MINAR2: variants seen among roughly 807,000 people sequenced by gnomAD.
MINAR2 encodes the protein major intrinsically disordered NOTCH2-binding receptor 1-like.
MINAR2 carries 21 observed loss-of-function variants against 16.1 expected under a neutral mutation model. The ratio of observed to expected loss-of-function variants is 1.31; its 90% confidence interval spans 0.93 to 1.88. The LOEUF (loss-of-function observed/expected upper bound fraction) is 1.88, where lower values mean the gene tolerates loss of function less well. Among genes scored for constraint, MINAR2 ranks in the 40% most tolerant of loss-of-function variants. The pLI, the probability that MINAR2 is intolerant of heterozygous loss-of-function variation, is 0.00. For missense variants in MINAR2, 259 were observed against 229.8 expected, an observed-to-expected ratio of 1.13 and a Z score of -0.82; for synonymous variants, 86 against 83.0, an observed-to-expected ratio of 1.04 and a Z score of -0.20.
Position 129,765,540 on chromosome 5 carries a change from T to C in MINAR2, c.*477T>C, listed in dbSNP as rs900769942. ...TGCTGGGTAGCTAGGATAAAAATCT[T>C]CCAGTTGTGCTGCCAACTGAGTTAG... On this transcript the variant is annotated 3_prime_UTR_variant, in exon 3 of 3. Coordinates refer to ENST00000564719, the MANE Select transcript of MINAR2 (RefSeq NM_001257308.2). 6.6e-6 allele frequency: 1 copy of C among 152,598 alleles called. No individual in the cohort carries two copies. Among genetic ancestry groups the C allele is most frequent in the African/African-American group, 2.4e-5 (1 of 41,484 alleles). 9.5% of individuals were successfully genotyped at this position (152,598 alleles called of 1,614,324 possible).
intron 1 of MINAR2, among the ~76,000 whole-genome samples, chr5:129,757,109 C>T (rs1758065607): frequency 6.7e-6 from 1 of 149,508 alleles, no homozygotes; most frequent in African/African-American, 2.5e-5. Flanking sequence ...TAATCATCTT[C>T]TGCTATATAG....
chr5:129,764,593 A>G (rs1214146654), intron 2 of MINAR2, among the ~76,000 whole-genome samples: 2 of 152,226 alleles, frequency 1.3e-5, no homozygotes, highest in Non-Finnish European at 2.9e-5. Flanking sequence ...TGACCCTCTG[A>G]TGTGAGCAAT....
intron 1 of MINAR2, among the ~76,000 whole-genome samples, chr5:129,758,766 A>G (rs1256135765): frequency 1.3e-5 from 2 of 152,050 alleles, no homozygotes; most frequent in African/African-American, 4.8e-5. Context: ...TTAAGTAAAA[A>G]TTATGCTAAG....
At position 129,766,612 on chromosome 5, in the gene MINAR2, G is replaced by A. The variant is rs571086476; in HGVS notation, c.*1549G>A. 196 of 139,056 alleles carry A rather than the reference G, an allele frequency of 1.4e-3. 1 individual carries two copies. Among genetic ancestry groups the A allele is most frequent in the African/African-American group, 4.7e-3 (171 of 36,038 alleles). 8.6% of individuals were successfully genotyped at this position (139,056 alleles called of 1,614,324 possible). ...AGATTGTGCCACTGCACTCTAGCCT[G>A]GGTGACAGAGTGAGACTTCCATAAA... On this transcript the variant is annotated 3_prime_UTR_variant, in exon 3 of 3. Transcript: ENST00000564719.
chr5:129,748,651 T>G (rs570526503), intron 1 of MINAR2, among the ~76,000 whole-genome samples: 1 of 152,156 alleles, frequency 6.6e-6, no homozygotes, highest in South Asian at 2.1e-4. Context: ...ATTTTCAAAC[T>G]AATTGTTATA....
intron 2 of MINAR2, 53 bp downstream of exon 2, chr5:129,760,658 TA>T (rs1341346074): frequency 3.0e-6 from 4 of 1,336,992 alleles, no homozygotes; most frequent in Non-Finnish European, 4.1e-6. Flanking sequence ...ATCAGTCAAA[TA>T]ATCCTAAAAG....
chr5:129,755,524 A>AG (rs1758044056), intron 1 of MINAR2, among the ~76,000 whole-genome samples: 1 of 62,958 alleles, frequency 1.6e-5, no homozygotes, highest in African/African-American at 6.1e-5. Flanking sequence ...CAGGTTTGTT[A>AG]ATTTTTTTTT....
At chr5:129,764,658 T>TG (rs1420611112) in intron 2 of MINAR2, among the ~76,000 whole-genome samples, 1 of 152,104 alleles carries the variant, frequency 6.6e-6, no homozygotes, top group Non-Finnish European at 1.5e-5. Context: ...ACCTACAAAT[T>TG]GGAATTGCAG....
chr5:129,748,376 A>C (rs1581286307), intron 1 of MINAR2, 21 bp downstream of exon 1: 10 of 1,529,362 alleles, frequency 6.5e-6, no homozygotes, highest in Non-Finnish European at 8.7e-6. Context: ...GGGGCACAAA[A>C]ATACGGGGAT....
chr5:129,749,765 T>C (rs1757963846), intron 1 of MINAR2, among the ~76,000 whole-genome samples: 1 of 152,196 alleles, frequency 6.6e-6, no homozygotes, highest in East Asian at 1.9e-4. Context: ...ATCTTTTGTT[T>C]GGTACTGAAG....
chr5:129,751,860 A>G (rs567855039), intron 1 of MINAR2, among the ~76,000 whole-genome samples: 3 of 152,318 alleles, frequency 2.0e-5, no homozygotes, highest in South Asian at 4.1e-4. Context: ...TTTTTTAAAC[A>G]AATGTGATAA....
Position 129,765,944 on chromosome 5 carries a change from C to A in MINAR2, c.*881C>A, listed in dbSNP as rs1239419663. On this transcript the variant is annotated 3_prime_UTR_variant, in exon 3 of 3. Transcript: ENST00000564719. ...AGAAGGAATGATATTACCTGCCCAA[C>A]AGGGCTGGCCAAAGGACCAAATACA... 1.3e-5 allele frequency: 2 copies of A among 152,212 alleles called. No homozygotes were observed. Among genetic ancestry groups the A allele is most frequent in the African/African-American group, 4.8e-5 (2 of 41,452 alleles). 9.4% of individuals were successfully genotyped at this position (152,212 alleles called of 1,614,324 possible). A position where few individuals can be genotyped will look rare whatever the true frequency, so the allele number is the denominator to read the frequency against.
At chr5:129,750,789 G>T (rs2053040) in intron 1 of MINAR2, among the ~76,000 whole-genome samples, 1 of 152,052 alleles carries the variant, frequency 6.6e-6, no homozygotes, top group Non-Finnish European at 1.5e-5. Flanking sequence ...AGGGGTGAGT[G>T]TATATGTGTG....
At chr5:129,764,634 T>A (rs185923040) in intron 2 of MINAR2, among the ~76,000 whole-genome samples, 2 of 152,280 alleles carry the variant, frequency 1.3e-5, no homozygotes, top group East Asian at 1.9e-4. Flanking sequence ...GCCTCCTAAT[T>A]AATTCTGATG....
In MINAR2 at chr5:129,765,136, C is replaced by G; in HGVS notation, c.*73C>G. 1 of 871,112 alleles carries G rather than the reference C, an allele frequency of 1.1e-6. No individual in the cohort carries two copies. The highest frequency in any genetic ancestry group is 1.5e-6 in the Non-Finnish European group (1 of 649,442). The allele number at this position is 871,112 out of a possible 1,614,324, so 54.0% of individuals were successfully genotyped here. ...TGATAAACATTTGAAACCCCCCCCA[C>G]CAAAATAACAAAAAAACACATGTAC... On this transcript the variant is annotated 3_prime_UTR_variant, in exon 3 of 3. Coordinates refer to ENST00000564719, the MANE Select transcript of MINAR2 (RefSeq NM_001257308.2).
chr5:129,762,606 A>C (rs982316493), intron 2 of MINAR2: 20 of 326,504 alleles, frequency 6.1e-5, no homozygotes, highest in African/African-American at 4.5e-4. Flanking sequence ...GCAGCAGCAC[A>C]ATCAGTCAGG....
Position 129,760,325 on chromosome 5 carries a change from CCTA to C in MINAR2, c.166-49_166-47del. On this transcript the variant is annotated intron_variant, in intron 1 of 2. Coordinates refer to ENST00000564719, the MANE Select transcript of MINAR2 (RefSeq NM_001257308.2). ...CAGGTAGTTATCTCACATTGCATTC[CCTA>C]CTATCAGAAGGCCCGTTGCTAAGAG... 3 of 1,327,396 alleles carry C rather than the reference CCTA, an allele frequency of 2.3e-6. No homozygotes were observed. In the South Asian group the frequency reaches 3.8e-5, roughly 17 times the overall value. The allele number at this position is 1,327,396 out of a possible 1,614,324, so 82.2% of individuals were successfully genotyped here. A position where few individuals can be genotyped will look rare whatever the true frequency, so the allele number is the denominator to read the frequency against.
intron 1 of MINAR2, among the ~76,000 whole-genome samples, chr5:129,749,761 T>C (rs775900864): frequency 6.6e-6 from 1 of 152,208 alleles, no homozygotes; most frequent in Non-Finnish European, 1.5e-5. Context: ...TAACATCTTT[T>C]GTTTGGTACT....
At chr5:129,762,606 A>G in intron 2 of MINAR2, 2 of 326,622 alleles carry the variant, frequency 6.1e-6, no homozygotes, top group East Asian at 9.4e-5. Context: ...GCAGCAGCAC[A>G]ATCAGTCAGG....
Sources: gnomAD v4.1 joint callset for allele counts (sites outside exome capture counted in the v4.1 genomes callset) on GRCh38, gnomAD v4.1.1 for gene constraint, MANE v1.5 for transcripts, NCBI Gene and HGNC (gene_info 2026-07-23, HGNC 2026-07-21) for gene names.